The following HDAC1 variants were observed in gnomAD, a reference collection of about 807,000 sequenced individuals.
HDAC1 encodes histone deacetylase 1, also known as protein deacetylase HDAC1.
A neutral mutation model predicts 65.5 loss-of-function variants in HDAC1; 18 were observed. The observed-to-expected ratio is 0.27, with a 90% CI of 0.19 to 0.41. The LOEUF (loss-of-function observed/expected upper bound fraction) is 0.41. HDAC1 is among the 10% of genes least tolerant of loss of function. The probability of loss-of-function intolerance (pLI) is 1.00; values close to 1 mark genes in which losing one functional copy is unlikely to be tolerated. For missense variants in HDAC1, 373 were observed against 625.2 expected, an observed-to-expected ratio of 0.60 and a Z score of 4.30; for synonymous variants, 211 against 227.9, an observed-to-expected ratio of 0.93 and a Z score of 0.67.
intron 1 of HDAC1, among the ~76,000 whole-genome samples, chr1:32,293,350 G>A (rs1238685119): frequency 2.0e-5 from 3 of 151,602 alleles, no homozygotes; most frequent in African/African-American, 7.3e-5. Context: ...GATGTAAATA[G>A]GGACCGGACC....
chr1:32,325,347 A>C (rs1232242235), intron 4 of HDAC1, among the ~76,000 whole-genome samples: 1 of 152,118 alleles, frequency 6.6e-6, no homozygotes, highest in Non-Finnish European at 1.5e-5. Context: ...CACCAATATA[A>C]TCATTGTGTC....
At chr1:32,318,805 A>C (rs114253679) in intron 3 of HDAC1, among the ~76,000 whole-genome samples, 1 of 152,300 alleles carries the variant, frequency 6.6e-6, no homozygotes, top group African/African-American at 2.4e-5. Flanking sequence ...CGAATCCAGC[A>C]TTCTAAAGTT....
In HDAC1 at chr1:32,316,283, C is replaced by CA. The variant is rs879826419; in HGVS notation, c.163-371dup. Reference sequence around the variant, plus strand: ...TGGGAGACAGAGCGAGACTCCGTCTCAAAAAAAAAAAGTAATAATTTTGTA... The same window carrying CA: ...TGGGAGACAGAGCGAGACTCCGTCTCAAAAAAAAAAAAGTAATAATTTTGTA... On this transcript the variant is annotated intron_variant, in intron 2 of 13. Coordinates refer to ENST00000373548, the MANE Select transcript of HDAC1 (RefSeq NM_004964.3). Among the ~76,000 whole-genome samples, 101 of 139,324 alleles carry CA rather than the reference C, an allele frequency of 7.2e-4. 2 individuals carry two copies. Among genetic ancestry groups the CA allele is most frequent in the Middle Eastern group, 3.6e-3 (1 of 278 alleles). The allele number at this position is 139,324 out of a possible 152,430, so 91.4% of individuals were successfully genotyped here. A position where few individuals can be genotyped will look rare whatever the true frequency, so the allele number is the denominator to read the frequency against.
intron 2 of HDAC1, among the ~76,000 whole-genome samples, chr1:32,309,215 C>T (rs1346650334): frequency 6.6e-6 from 1 of 152,174 alleles, no homozygotes; most frequent in African/African-American, 2.4e-5. Context: ...CCTGGCCTCC[C>T]AGAGTAGACC....
intron 3 of HDAC1, among the ~76,000 whole-genome samples, chr1:32,320,594 T>C (rs1253165560): frequency 6.6e-6 from 1 of 152,028 alleles, no homozygotes; most frequent in Non-Finnish European, 1.5e-5. Context: ...AAATATAGTG[T>C]ATATAAAATA....
chr1:32,313,417 G>C (rs1455405409), intron 2 of HDAC1, among the ~76,000 whole-genome samples: 1 of 152,080 alleles, frequency 6.6e-6, no homozygotes, highest in Non-Finnish European at 1.5e-5. Flanking sequence ...TTAAAAAAGA[G>C]AAAAAGACAG....
chr1:32,310,924 GAAGA>G (rs1424055316), intron 2 of HDAC1, among the ~76,000 whole-genome samples: 1 of 149,310 alleles, frequency 6.7e-6, no homozygotes, highest in Admixed American at 6.8e-5. Flanking sequence ...AAGAAGGAAG[GAAGA>G]AAGGAAGGAA....
At chr1:32,320,899 C>CAAAAAAAAAA (rs1160071616) in intron 3 of HDAC1, among the ~76,000 whole-genome samples, 2 of 23,366 alleles carry the variant, frequency 8.6e-5, no homozygotes, top group Non-Finnish European at 1.2e-4. Context: ...GACTCCATCT[C>CAAAAAAAAAA]AAAAAAAAAA....
At chr1:32,307,627 A>G (rs576423291) in intron 2 of HDAC1, among the ~76,000 whole-genome samples, 23 of 152,336 alleles carry the variant, frequency 1.5e-4, no homozygotes, top group African/African-American at 5.3e-4. Flanking sequence ...TTTGAAACTT[A>G]TGAATTGCTT....
chr1:32,330,873 A>G lies in HDAC1; in HGVS notation c.944A>G (p.Glu315Gly). The change falls in exon 9 of 14, where the codon GAG becomes GGG. Residue 315 changes from glutamate to glycine, a missense_variant. Glu to Gly is a moderately conservative substitution (Grantham distance 98). Coordinates refer to ENST00000373548, the MANE Select transcript of HDAC1 (RefSeq NM_004964.3). This position sits in a 1 kb window ranked among gnomAD's most constrained non-coding sequence, Gnocchi z 4.2. ...AACGTTGCCCGGTGCTGGACATATG[A>G]GACAGCTGTGGCCCTGGATACGGAG... ...IRNVARCWTY[E>G]TAVALDTEIP... 1 of 1,614,136 alleles carries G rather than the reference A, an allele frequency of 6.2e-7. No individual in the cohort carries two copies. The highest frequency in any genetic ancestry group is 8.5e-7 in the Non-Finnish European group (1 of 1,180,016).
intron 3 of HDAC1, among the ~76,000 whole-genome samples, chr1:32,319,871 C>T (rs1022305936): frequency 2.6e-5 from 4 of 151,966 alleles, no homozygotes; most frequent in East Asian, 1.9e-4. Flanking sequence ...GGTCTCATTT[C>T]GCCACCACAC....
Position 32,324,466 on chromosome 1 carries a change from T to C in HDAC1, c.281-13T>C. The C allele has an allele frequency of 1.9e-6, 3 of 1,594,820 alleles. No individual in the cohort carries two copies. The highest frequency in any genetic ancestry group is 2.6e-6 in the Non-Finnish European group (3 of 1,162,892). On this transcript the variant is annotated splice_polypyrimidine_tract_variant and intron_variant, in intron 3 of 13. Transcript: ENST00000373548. ...AAATTGTGGAAACTAACCTTTTGCT[T>C]ATTTCTTTCAAGTCAACGTTGGTGA...
At chr1:32,309,868 A>G (rs528538021) in intron 2 of HDAC1, among the ~76,000 whole-genome samples, 19 of 152,046 alleles carry the variant, frequency 1.2e-4, no homozygotes, top group African/African-American at 4.6e-4. Flanking sequence ...TTCATTTGCA[A>G]CCTAAAGGTT....
At chr1:32,332,059 C>A in intron 11 of HDAC1, 31 bp from the exon 12 acceptor site, 1 of 1,547,556 alleles carries the variant, frequency 6.5e-7, no homozygotes, top group South Asian at 1.2e-5. Context: ...ACCCGCCTGC[C>A]CTCTCACCCA....
intron 2 of HDAC1, among the ~76,000 whole-genome samples, chr1:32,306,207 T>TTTTTTG (rs1640909117): frequency 6.7e-6 from 1 of 149,330 alleles, no homozygotes; most frequent in Non-Finnish European, 1.5e-5. Context: ...TTTTTTTTTT[T>TTTTTTG]GAGACAGAGT....
chr1:32,293,710 T>C (rs963279938), intron 1 of HDAC1, among the ~76,000 whole-genome samples: 1 of 152,068 alleles, frequency 6.6e-6, no homozygotes, highest in African/African-American at 2.4e-5. Context: ...AAGACCAGCC[T>C]GACCAACATG....
At chr1:32,300,330 G>T (rs1302159324) in intron 1 of HDAC1, among the ~76,000 whole-genome samples, 1 of 152,130 alleles carries the variant, frequency 6.6e-6, no homozygotes, top group Non-Finnish European at 1.5e-5. Flanking sequence ...GCTGAGGTGG[G>T]CATATCACTT....
chr1:32,326,028 A>G (rs1641212854), intron 4 of HDAC1, among the ~76,000 whole-genome samples: 1 of 152,028 alleles, frequency 6.6e-6, no homozygotes, highest in Non-Finnish European at 1.5e-5. Context: ...CTCCATCTCA[A>G]AAAACAACAA....
intron 3 of HDAC1, among the ~76,000 whole-genome samples, chr1:32,321,677 A>G (rs1182774342): frequency 6.6e-6 from 1 of 152,192 alleles, no homozygotes; most frequent in Non-Finnish European, 1.5e-5. Flanking sequence ...TTGACTAGGA[A>G]TAAAAGGGCT....
Sources: allele counts gnomAD v4.1 joint callset (sites outside exome capture counted in the v4.1 genomes callset), GRCh38; gene constraint gnomAD v4.1.1; non-coding constraint Gnocchi (gnomAD v3.1); transcripts MANE v1.5; gene names NCBI Gene and HGNC (gene_info 2026-07-23, HGNC 2026-07-21).